Variants in THSD7A observed in about 807,000 individuals in gnomAD.
The protein encoded by THSD7A is thrombospondin type 1 domain containing 7A, also known as thrombospondin type-1 domain-containing protein 7A.
A neutral mutation model predicts 231.3 loss-of-function variants in THSD7A; 96 were observed. The observed-to-expected ratio is 0.41, with a 90% CI of 0.35 to 0.49. THSD7A has a LOEUF of 0.49. Ranked by LOEUF, THSD7A falls within the 20% of genes least tolerant of loss-of-function variation. The pLI is 0.05. For synonymous variants in THSD7A, 940 were observed against 743.3 expected, an observed-to-expected ratio of 1.26 and a Z score of -4.30; for missense variants, 2,290 against 2,070.2, an observed-to-expected ratio of 1.11 and a Z score of -2.06.
chr7:11,480,700 C>T (rs150108133), intron 7 of THSD7A, among the ~76,000 whole-genome samples: 66 of 152,170 alleles, frequency 4.3e-4, no homozygotes, highest in African/African-American at 1.5e-3. Flanking sequence ...GCATGTAACA[C>T]TCATGTGCAA....
chr7:11,596,692 T>A (rs1403644429), intron 2 of THSD7A, among the ~76,000 whole-genome samples: 1 of 152,242 alleles, frequency 6.6e-6, no homozygotes, highest in Non-Finnish European at 1.5e-5. Flanking sequence ...CACATCCCTG[T>A]TCGACTCTCC....
At chr7:11,497,345 C>CAATAAGAT (rs1787144438) in intron 6 of THSD7A, among the ~76,000 whole-genome samples, 1 of 152,066 alleles carries the variant, frequency 6.6e-6, no homozygotes, top group African/African-American at 2.4e-5. Flanking sequence ...ACATATCAAT[C>CAATAAGAT]AATAAGATAA....
chr7:11,827,998 T>A (rs1785080023), intron 1 of THSD7A, among the ~76,000 whole-genome samples: 1 of 152,276 alleles, frequency 6.6e-6, no homozygotes, highest in East Asian at 1.9e-4. Flanking sequence ...CCTCAAGCCC[T>A]CTTCTACTCA....
At chr7:11,671,641 T>C (rs1247517366) in intron 1 of THSD7A, among the ~76,000 whole-genome samples, 1 of 152,160 alleles carries the variant, frequency 6.6e-6, no homozygotes. Context: ...GCTTTATTTA[T>C]AGGTAGATAG....
intron 1 of THSD7A, among the ~76,000 whole-genome samples, chr7:11,795,436 C>T (rs573650624): frequency 6.6e-6 from 1 of 152,074 alleles, no homozygotes; most frequent in East Asian, 1.9e-4. Flanking sequence ...TAGGAAATCA[C>T]ACAATTAAAT....
At chr7:11,594,485 A>C (rs1436789715) in intron 2 of THSD7A, among the ~76,000 whole-genome samples, 2 of 152,170 alleles carry the variant, frequency 1.3e-5, no homozygotes, top group Admixed American at 6.5e-5. Flanking sequence ...GAGAACACTC[A>C]TAGTCCTTGG....
At chr7:11,782,307 T>C (rs1783656334) in intron 1 of THSD7A, among the ~76,000 whole-genome samples, 2 of 152,220 alleles carry the variant, frequency 1.3e-5, no homozygotes, top group South Asian at 4.1e-4. Flanking sequence ...TCACAAATGA[T>C]CAGCCTAATG....
intron 2 of THSD7A, among the ~76,000 whole-genome samples, chr7:11,616,428 T>C (rs1468302): frequency 0.35 from 53,166 of 152,074 alleles, 9,613 homozygotes; most frequent in South Asian, 0.41. Context: ...TTAAAGTACA[T>C]ATCCTGTAAC....
intron 4 of THSD7A, 98 bp from the exon 5 acceptor site, chr7:11,543,215 AAAG>A: frequency 9.5e-7 from 1 of 1,049,002 alleles, no homozygotes. Context: ...GAAAATCCTT[AAAG>A]AAGTGCTACC....
intron 1 of THSD7A, among the ~76,000 whole-genome samples, chr7:11,662,860 G>C (rs1043714563): frequency 1.3e-5 from 2 of 151,282 alleles, no homozygotes; most frequent in Non-Finnish European, 3.0e-5. Flanking sequence ...AATATTTATG[G>C]CATATGAAAA....
At chr7:11,460,985 T>C (rs1785486158) in intron 10 of THSD7A, among the ~76,000 whole-genome samples, 1 of 152,226 alleles carries the variant, frequency 6.6e-6, no homozygotes, top group East Asian at 1.9e-4. Context: ...GAGTACATCA[T>C]TGTCAAGTTC....
chr7:11,642,058 AACT>A (rs1161087868), intron 1 of THSD7A, among the ~76,000 whole-genome samples: 2 of 152,230 alleles, frequency 1.3e-5, no homozygotes, highest in Non-Finnish European at 2.9e-5. Context: ...TAACCCAATT[AACT>A]ACCATGTTTC....
rs150753836 is a variant in THSD7A at position 11,407,736 on chromosome 7, C to G, written c.3799-313G>C. On this transcript the variant is annotated intron_variant, in intron 19 of 27. Coordinates refer to ENST00000423059, the MANE Select transcript of THSD7A (RefSeq NM_015204.3). ...TGGTTGAATTTCCCTAAATGAGGAA[C>G]AAGTAAATATAAGCATAAATACTTT... Among the ~76,000 whole-genome samples, 4 of 152,182 alleles carry G rather than the reference C, an allele frequency of 2.6e-5. No homozygotes were observed. In the East Asian group the frequency reaches 7.7e-4, roughly 29 times the overall value.
chr7:11,543,279 C>G (rs892392425), intron 4 of THSD7A, among the ~76,000 whole-genome samples, 162 bp from the exon 5 acceptor site: 1 of 151,992 alleles, frequency 6.6e-6, no homozygotes, highest in South Asian at 2.1e-4. Context: ...AAAAAGAGAA[C>G]GAATGGAAAT....
At chr7:11,790,749 C>T (rs200071599) in intron 1 of THSD7A, among the ~76,000 whole-genome samples, 6 of 151,928 alleles carry the variant, frequency 3.9e-5, no homozygotes, top group East Asian at 3.9e-4. Flanking sequence ...AAATGCCACA[C>T]ATAAATATAA....
intron 1 of THSD7A, among the ~76,000 whole-genome samples, chr7:11,771,627 G>A (rs915364689): frequency 6.6e-6 from 1 of 151,352 alleles, no homozygotes; most frequent in Non-Finnish European, 1.5e-5. Context: ...AATAGTAATT[G>A]TAAAGTTCAT....
At chr7:11,743,761 A>C (rs1782185447) in intron 1 of THSD7A, among the ~76,000 whole-genome samples, 1 of 151,880 alleles carries the variant, frequency 6.6e-6, no homozygotes, top group African/African-American at 2.4e-5. Context: ...AATGTCTGAA[A>C]GGCACTTAGG....
At chr7:11,580,333 C>G (rs965939135) in intron 4 of THSD7A, among the ~76,000 whole-genome samples, 2 of 151,990 alleles carry the variant, frequency 1.3e-5, no homozygotes, top group Non-Finnish European at 2.9e-5. Context: ...GGTACAGGTT[C>G]GTTATTAAGG....
chr7:11,561,025 C>G (rs960755545), intron 4 of THSD7A, among the ~76,000 whole-genome samples: 1 of 152,080 alleles, frequency 6.6e-6, no homozygotes, highest in African/African-American at 2.4e-5. Context: ...TTCCAGTTAT[C>G]CCCATATAGG....
Sources: allele counts gnomAD v4.1 joint callset (sites outside exome capture counted in the v4.1 genomes callset), GRCh38; gene constraint gnomAD v4.1.1; transcripts MANE v1.5; gene names NCBI Gene and HGNC (gene_info 2026-07-23, HGNC 2026-07-21).